Variants in KALRN observed in about 807,000 individuals in gnomAD.
KALRN encodes the protein kalirin RhoGEF kinase.
KALRN carries 70 observed loss-of-function variants against 353.7 expected under a neutral mutation model. That is an observed-to-expected ratio of 0.20 (90% confidence interval 0.16 to 0.24). The LOEUF is 0.24. KALRN is among the 10% of genes least tolerant of loss of function. The pLI, the probability that KALRN is intolerant of heterozygous loss-of-function variation, is 1.00. For synonymous variants in KALRN, 1,391 were observed against 1,434.8 expected, an observed-to-expected ratio of 0.97 and a Z score of 0.69; for missense variants, 2,791 against 3,756.7, an observed-to-expected ratio of 0.74 and a Z score of 6.72.
Position 124,719,555 on chromosome 3 carries a change from TC to T in KALRN, c.*86del. ...ATGTGACTGTAAATAATTCTGTTCA[TC>T]ATTTCACTCCGTGCAGTTCTCTGAA... On this transcript the variant is annotated 3_prime_UTR_variant, in exon 60 of 60. Coordinates refer to ENST00000682506, the MANE Select transcript of KALRN (RefSeq NM_001388419.1). The surrounding 1 kb of genome is among the most constrained non-coding windows in gnomAD (Gnocchi z 5.3). The T allele has an allele frequency of 7.9e-7, 1 of 1,268,772 alleles. No homozygotes were observed. Among genetic ancestry groups the T allele is most frequent in the Non-Finnish European group, 1.1e-6 (1 of 911,954 alleles). 78.6% of individuals were successfully genotyped at this position (1,268,772 alleles called of 1,614,324 possible). A position where few individuals can be genotyped will look rare whatever the true frequency, so the allele number is the denominator to read the frequency against.
chr3:124,643,671 G>A (rs1374301197), intron 37 of KALRN, among the ~76,000 whole-genome samples: 1 of 152,018 alleles, frequency 6.6e-6, no homozygotes, highest in Non-Finnish European at 1.5e-5. Context: ...TCTATTTTTA[G>A]CAGAGATGAG....
intron 33 of KALRN, among the ~76,000 whole-genome samples, chr3:124,544,116 G>A (rs1412625403): frequency 6.6e-6 from 1 of 152,220 alleles, no homozygotes; most frequent in African/African-American, 2.4e-5. Flanking sequence ...AAAGGAAACT[G>A]TCATGTGTGT....
chr3:124,355,677 C>T (rs2083307148), intron 10 of KALRN, among the ~76,000 whole-genome samples: 1 of 146,020 alleles, frequency 6.8e-6, no homozygotes, highest in Admixed American at 6.9e-5. Context: ...ACCTTTTTTC[C>T]TTAGGATTAA....
chr3:124,212,578 C>A (rs1012964671), intron 1 of KALRN, among the ~76,000 whole-genome samples: 1 of 151,946 alleles, frequency 6.6e-6, no homozygotes, highest in Non-Finnish European at 1.5e-5. Flanking sequence ...TGCATGAAAC[C>A]CCTTGTTTGC....
chr3:124,623,842 C>T (rs2079606924), intron 34 of KALRN, among the ~76,000 whole-genome samples: 1 of 152,220 alleles, frequency 6.6e-6, no homozygotes, highest in Non-Finnish European at 1.5e-5. Context: ...CAATGTTTGA[C>T]ACAGACAATG....
At chr3:124,083,837 A>G (rs2060664896) in intron 1 of KALRN, among the ~76,000 whole-genome samples, 1 of 152,240 alleles carries the variant, frequency 6.6e-6, no homozygotes, top group African/African-American at 2.4e-5. Flanking sequence ...TCTTGTTAAG[A>G]CTGACAGAAC....
At chr3:124,445,090 C>G (rs1198966297) in intron 19 of KALRN, among the ~76,000 whole-genome samples, 1 of 152,226 alleles carries the variant, frequency 6.6e-6, no homozygotes, top group South Asian at 2.1e-4. Flanking sequence ...AGATTTGGCC[C>G]GAATCTGAAC....
intron 6 of KALRN, among the ~76,000 whole-genome samples, chr3:124,303,315 C>T (rs901096977): frequency 1.3e-5 from 2 of 152,168 alleles, no homozygotes; most frequent in African/African-American, 4.8e-5. Flanking sequence ...ATAACAACAA[C>T]CCACCTACTA....
At chr3:124,387,848 C>T (rs2149980203) in intron 11 of KALRN, among the ~76,000 whole-genome samples, 1 of 152,152 alleles carries the variant, frequency 6.6e-6, no homozygotes, top group Non-Finnish European at 1.5e-5. Flanking sequence ...TTTTGAGTGG[C>T]TGTCACAGAG....
intron 33 of KALRN, among the ~76,000 whole-genome samples, chr3:124,511,046 A>G (rs2065847840): frequency 6.6e-6 from 1 of 152,046 alleles, no homozygotes; most frequent in African/African-American, 2.4e-5. Context: ...ATATCTGGAA[A>G]TGCCCACTGC....
At chr3:124,369,084 G>A (rs1205194679) in intron 10 of KALRN, among the ~76,000 whole-genome samples, 1 of 151,090 alleles carries the variant, frequency 6.6e-6, no homozygotes, top group Non-Finnish European at 1.5e-5. Flanking sequence ...AGAGGGAGAG[G>A]ACACTCTTTT....
intron 32 of KALRN, 53 bp downstream of exon 32, chr3:124,492,935 G>A (rs1004258005): frequency 1.6e-5 from 26 of 1,591,390 alleles, no homozygotes; most frequent in Non-Finnish European, 2.1e-5. Context: ...TTCCGGGTGC[G>A]GGAATGGGAT....
intron 27 of KALRN, among the ~76,000 whole-genome samples, chr3:124,480,882 A>G (rs781277075): frequency 6.6e-6 from 1 of 152,202 alleles, no homozygotes; most frequent in Non-Finnish European, 1.5e-5. Flanking sequence ...ATGCATCAGA[A>G]CTTCATTTCT....
intron 1 of KALRN, among the ~76,000 whole-genome samples, chr3:124,150,948 TA>T (rs1174739188): frequency 6.6e-6 from 1 of 152,242 alleles, no homozygotes; most frequent in Non-Finnish European, 1.5e-5. Context: ...AAACTTGGTA[TA>T]TGTAGAATCC....
chr3:124,441,843 A>G (rs1333320681), intron 18 of KALRN, 102 bp from the exon 19 acceptor site: 1 of 705,444 alleles, frequency 1.4e-6, no homozygotes. Flanking sequence ...AAAAAAAAAA[A>G]AAGCAAAAGA....
At chr3:124,196,343 T>C (rs1034805279) in intron 1 of KALRN, among the ~76,000 whole-genome samples, 2 of 152,080 alleles carry the variant, frequency 1.3e-5, no homozygotes, top group Admixed American at 6.5e-5. Flanking sequence ...TTACAGATAA[T>C]ATAATAATAA....
At chr3:124,680,762 G>A (rs555429732) in intron 51 of KALRN, among the ~76,000 whole-genome samples, 1 of 152,216 alleles carries the variant, frequency 6.6e-6, no homozygotes, top group Admixed American at 6.5e-5. Flanking sequence ...CCAGGATAGA[G>A]TAGTCCCCTG....
chr3:124,598,277 G>A (rs904378674), intron 34 of KALRN, among the ~76,000 whole-genome samples: 1 of 152,200 alleles, frequency 6.6e-6, no homozygotes. Context: ...GAAATCAAGG[G>A]CTACTCCAAT....
intron 33 of KALRN, among the ~76,000 whole-genome samples, chr3:124,501,475 G>A (rs1415143333): frequency 2.0e-5 from 3 of 152,198 alleles, no homozygotes; most frequent in African/African-American, 7.2e-5. Context: ...GGGAAGGAAG[G>A]CTTGGGTAGG....
Sources: allele counts gnomAD v4.1 joint callset (sites outside exome capture counted in the v4.1 genomes callset), GRCh38; gene constraint gnomAD v4.1.1; non-coding constraint Gnocchi (gnomAD v3.1); transcripts MANE v1.5; gene names NCBI Gene and HGNC (gene_info 2026-07-23, HGNC 2026-07-21).